PCP4: variants seen among roughly 807,000 people sequenced by gnomAD.
PCP4 encodes the protein Purkinje cell protein 4, also known as calmodulin regulator protein PCP4.
Under a neutral mutation model 10.0 loss-of-function variants are expected in PCP4, and 8 were observed. That is an observed-to-expected ratio of 0.80 (90% CI 0.47 to 1.45). The LOEUF (loss-of-function observed/expected upper bound fraction) is 1.45, where lower values mean the gene tolerates loss of function less well. Ranked by LOEUF, PCP4 falls within the 40% of genes most tolerant of loss-of-function variation. The pLI, the probability that PCP4 is intolerant of heterozygous loss-of-function variation, is 0.00. For missense variants in PCP4, 54 were observed against 74.4 expected, an observed-to-expected ratio of 0.73 and a Z score of 1.01; for synonymous variants, 21 against 23.0, an observed-to-expected ratio of 0.91 and a Z score of 0.24.
intron 2 of PCP4, among the ~76,000 whole-genome samples, chr21:39,928,700 A>G (rs935861335): frequency 6.6e-6 from 1 of 152,212 alleles, no homozygotes; most frequent in African/African-American, 2.4e-5. Flanking sequence ...TTAAAACCAT[A>G]TATCAAGATG....
intron 1 of PCP4, among the ~76,000 whole-genome samples, chr21:39,882,272 C>T (rs1401163537): frequency 1.3e-5 from 2 of 152,226 alleles, no homozygotes; most frequent in Non-Finnish European, 2.9e-5. Flanking sequence ...GTACATTACG[C>T]TTGGCTCAAC....
At chr21:39,917,084 C>A (rs1306136565) in intron 2 of PCP4, among the ~76,000 whole-genome samples, 2 of 151,992 alleles carry the variant, frequency 1.3e-5, no homozygotes, top group African/African-American at 4.8e-5. Flanking sequence ...TACCCTGGAG[C>A]TTAAAATAAA....
At chr21:39,873,410 T>G (rs2087329875) in intron 1 of PCP4, among the ~76,000 whole-genome samples, 1 of 152,146 alleles carries the variant, frequency 6.6e-6, no homozygotes, top group Admixed American at 6.5e-5. Context: ...ACTCATAATA[T>G]TAATTAAAAT....
intron 1 of PCP4, among the ~76,000 whole-genome samples, chr21:39,872,188 A>G (rs2087323766): frequency 6.6e-6 from 1 of 152,138 alleles, no homozygotes; most frequent in Admixed American, 6.5e-5. Context: ...TAGTAGAGAC[A>G]GGGCTTCACC....
At chr21:39,909,280 C>T (rs1295361836) in intron 2 of PCP4, among the ~76,000 whole-genome samples, 2 of 152,148 alleles carry the variant, frequency 1.3e-5, no homozygotes, top group East Asian at 3.8e-4. Context: ...TTTCCTCGGG[C>T]AGATCCTGTA....
chr21:39,903,403 G>C (rs1299582936), intron 2 of PCP4, among the ~76,000 whole-genome samples: 1 of 113,848 alleles, frequency 8.8e-6, no homozygotes, highest in Non-Finnish European at 1.9e-5. Context: ...CAGAGGAAAG[G>C]TATTATTTTG....
At chr21:39,927,064 C>A (rs903388063) in intron 2 of PCP4, among the ~76,000 whole-genome samples, 2 of 152,198 alleles carry the variant, frequency 1.3e-5, no homozygotes, top group Middle Eastern at 3.2e-3. Context: ...ATCAGTCCTA[C>A]AAGGCTTCCA....
intron 2 of PCP4, among the ~76,000 whole-genome samples, chr21:39,923,675 C>G (rs940755005): frequency 2.0e-5 from 3 of 152,206 alleles, no homozygotes; most frequent in Non-Finnish European, 1.5e-5. Flanking sequence ...AGAGGCCACC[C>G]AGTCCAGACC....
Position 39,899,530 on chromosome 21 carries a change from G to A in PCP4, c.61+1003G>A, listed in dbSNP as rs148967000. Among the ~76,000 whole-genome samples the A allele has an allele frequency of 3.7e-3, 560 of 152,294 alleles. 3 individuals carry two copies. The highest frequency in any genetic ancestry group is 0.022 in the East Asian group (114 of 5,176). On this transcript the variant is annotated intron_variant, in intron 2 of 2. Transcript: ENST00000328619. ...CTCAAGTATGAGAATGTTGCTCTGC[G>A]TCTGCAGCCTGCCAATATGCCCACC...
At chr21:39,891,985 G>C (rs7276367) in intron 1 of PCP4, among the ~76,000 whole-genome samples, 2 of 152,170 alleles carry the variant, frequency 1.3e-5, no homozygotes, top group African/African-American at 4.8e-5. Flanking sequence ...CCGGATGACT[G>C]CAGGCAGGCC....
intron 2 of PCP4, among the ~76,000 whole-genome samples, chr21:39,900,321 C>T (rs1468806562): frequency 6.6e-6 from 1 of 152,148 alleles, no homozygotes; most frequent in Non-Finnish European, 1.5e-5. Context: ...AGGTGTGAGC[C>T]ACTGCACCCA....
chr21:39,881,066 T>A (rs1040951752), intron 1 of PCP4, among the ~76,000 whole-genome samples: 2 of 152,150 alleles, frequency 1.3e-5, no homozygotes, highest in Non-Finnish European at 2.9e-5. Context: ...GAGCATCTGA[T>A]CAAATGGCCC....
intron 1 of PCP4, among the ~76,000 whole-genome samples, chr21:39,891,866 T>C (rs1445490367): frequency 6.6e-6 from 1 of 152,240 alleles, no homozygotes; most frequent in East Asian, 1.9e-4. Flanking sequence ...TTTCTTCTAC[T>C]GCTATCTACT....
intron 2 of PCP4, among the ~76,000 whole-genome samples, chr21:39,921,227 A>G (rs1405395099): frequency 6.6e-6 from 1 of 152,186 alleles, no homozygotes; most frequent in African/African-American, 2.4e-5. Flanking sequence ...CTTTTCCCCC[A>G]GAGCTATATT....
chr21:39,917,820 C>T (rs2087576494), intron 2 of PCP4, among the ~76,000 whole-genome samples: 1 of 152,122 alleles, frequency 6.6e-6, no homozygotes, highest in Admixed American at 6.5e-5. Flanking sequence ...GCCCTAATCT[C>T]CATAACCTCA....
intron 2 of PCP4, among the ~76,000 whole-genome samples, chr21:39,924,663 G>C (rs2087612209): frequency 6.6e-6 from 1 of 152,114 alleles, no homozygotes; most frequent in Non-Finnish European, 1.5e-5. Context: ...TCAGTCTCCT[G>C]AGTAACTGGG....
At chr21:39,913,551 G>A (rs555842695) in intron 2 of PCP4, among the ~76,000 whole-genome samples, 7 of 152,298 alleles carry the variant, frequency 4.6e-5, no homozygotes, top group African/African-American at 1.7e-4. Context: ...AGTCGTATAC[G>A]GTAGCGTCTA....
At chr21:39,922,782 C>T (rs1211989545) in intron 2 of PCP4, among the ~76,000 whole-genome samples, 1 of 152,210 alleles carries the variant, frequency 6.6e-6, no homozygotes, top group Non-Finnish European at 1.5e-5. Context: ...TGTAGCAGTT[C>T]ACGTAGCTGC....
At chr21:39,908,510 C>A (rs1365832529) in intron 2 of PCP4, among the ~76,000 whole-genome samples, 4 of 152,152 alleles carry the variant, frequency 2.6e-5, no homozygotes, top group Non-Finnish European at 5.9e-5. Flanking sequence ...CCCCTGTAAG[C>A]TGGGGTTTGT....
Sources: gnomAD v4.1 joint callset for allele counts (sites outside exome capture counted in the v4.1 genomes callset) on GRCh38, gnomAD v4.1.1 for gene constraint, MANE v1.5 for transcripts, NCBI Gene and HGNC (gene_info 2026-07-23, HGNC 2026-07-21) for gene names.